Variants in INSC observed in about 807,000 individuals in gnomAD.
INSC encodes the protein INSC spindle orientation adaptor protein, also known as protein inscuteable homolog.
INSC carries 67 observed loss-of-function variants against 58.6 expected under a neutral mutation model. The observed-to-expected ratio is 1.14, with a 90% CI of 0.94 to 1.40. The LOEUF (loss-of-function observed/expected upper bound fraction) is 1.40. INSC is among the 40% of genes most tolerant of loss of function. The probability of loss-of-function intolerance (pLI) is 0.00; values close to 1 mark genes in which losing one functional copy is unlikely to be tolerated. For synonymous variants in INSC, 262 were observed against 276.1 expected (o/e 0.95, Z 0.51); for missense variants, 714 against 692.0 (o/e 1.03, Z -0.36).
At chr11:15,234,367 C>A (rs1852040570) in intron 9 of INSC, among the ~76,000 whole-genome samples, 1 of 152,184 alleles carries the variant, frequency 6.6e-6, no homozygotes, top group Non-Finnish European at 1.5e-5. Flanking sequence ...TTTTTCCTTT[C>A]TGTTTAAAAG....
intron 9 of INSC, among the ~76,000 whole-genome samples, chr11:15,233,626 A>G (rs1852007832): frequency 6.6e-6 from 1 of 152,182 alleles, no homozygotes; most frequent in African/African-American, 2.4e-5. Flanking sequence ...TGCCTGTGAC[A>G]CGGCTAATAA....
intron 1 of INSC, among the ~76,000 whole-genome samples, chr11:15,133,547 T>A (rs1848172516): frequency 6.6e-6 from 1 of 151,972 alleles, no homozygotes; most frequent in Admixed American, 6.6e-5. Context: ...ACATAGACGG[T>A]TTATTTTCCA....
chr11:15,176,627 G>A (rs373268345), intron 3 of INSC, among the ~76,000 whole-genome samples: 69 of 152,168 alleles, frequency 4.5e-4, no homozygotes, highest in African/African-American at 1.5e-3. Flanking sequence ...TTAAAGTTAC[G>A]CAGTGAATGG....
intron 2 of INSC, among the ~76,000 whole-genome samples, chr11:15,151,282 G>A (rs1191373557): frequency 1.3e-5 from 2 of 152,210 alleles, no homozygotes; most frequent in African/African-American, 2.4e-5. Flanking sequence ...GTTCCTTATG[G>A]GAATGTAATA....
At chr11:15,200,705 TGCTGGAG>T in intron 6 of INSC, 112 bp from the exon 7 acceptor site, 3 of 1,314,684 alleles carry the variant, frequency 2.3e-6, no homozygotes, top group Non-Finnish European at 3.2e-6. Flanking sequence ...GGGCGGGGGT[TGCTGGAG>T]GCAGGGAGGA....
At chr11:15,208,451 C>G (rs762488519) in intron 7 of INSC, among the ~76,000 whole-genome samples, 16 of 152,222 alleles carry the variant, frequency 1.1e-4, no homozygotes, top group Non-Finnish European at 1.9e-4. Context: ...ATTGAGCCTT[C>G]TCAGAGGGAC....
chr11:15,178,567 T>A (rs1033025768), intron 5 of INSC, 120 bp downstream of exon 5: 14 of 1,230,258 alleles, frequency 1.1e-5, no homozygotes, highest in African/African-American at 1.5e-5. Flanking sequence ...GGGAAACATC[T>A]TACTCAAACC....
At chr11:15,267,300 A>G in the INSC span, among the ~76,000 whole-genome samples, 1 of 151,956 alleles carries the variant, frequency 6.6e-6, no homozygotes, top group African/African-American at 2.4e-5. Flanking sequence ...GTCTTAAGCA[A>G]TTAGGTTATA....
chr11:15,201,098 C>T (rs1264314956), intron 7 of INSC, 149 bp downstream of exon 7: 2 of 986,446 alleles, frequency 2.0e-6, no homozygotes, highest in East Asian at 2.6e-5. Context: ...GTGGCTGGGA[C>T]CTGGACTATG....
chr11:15,254,891 A>C, the INSC span, among the ~76,000 whole-genome samples: 387 of 152,326 alleles, frequency 2.5e-3, 4 homozygotes, highest in African/African-American at 8.4e-3. Flanking sequence ...AATAAATGGA[A>C]AAGCTGGGAC....
rs34968510 is a variant in INSC, at chr11:15,186,248, C to CTT, written c.580-4443_580-4442dup. Among the ~76,000 whole-genome samples, 120 of 148,900 alleles carry CTT rather than the reference C, an allele frequency of 8.1e-4. 1 individual carries two copies. The South Asian group carries it at 0.011, about 14-fold the overall frequency. On this transcript the variant is annotated intron_variant, in intron 5 of 12. Transcript: ENST00000379556. Reference sequence around the variant, plus strand: ...TTTTTAATAGGATTTCTTTCTGCTACTTTTTTTTTTTCCAGTAATGAACTC... The same window carrying CTT: ...TTTTTAATAGGATTTCTTTCTGCTACTTTTTTTTTTTTTCCAGTAATGAACTC...
At chr11:15,215,843 A>T (rs757546659) in intron 7 of INSC, among the ~76,000 whole-genome samples, 3 of 152,184 alleles carry the variant, frequency 2.0e-5, no homozygotes, top group Admixed American at 1.3e-4. Context: ...AGGGAGGTGC[A>T]TGCATGTTCA....
chr11:15,122,566 G>A (rs139748317), intron 1 of INSC, among the ~76,000 whole-genome samples: 167 of 152,258 alleles, frequency 1.1e-3, no homozygotes, highest in Middle Eastern at 6.8e-3. Context: ...TTTAGATTTC[G>A]TTGAATGACT....
chr11:15,112,980 C>G (rs1218803252), upstream of INSC, among the ~76,000 whole-genome samples: 1 of 152,154 alleles, frequency 6.6e-6, no homozygotes, highest in Non-Finnish European at 1.5e-5. Context: ...GGACTCATCA[C>G]TAGAAAGTAG....
chr11:15,194,261 A>T (rs1850289905), intron 6 of INSC, among the ~76,000 whole-genome samples: 1 of 152,098 alleles, frequency 6.6e-6, no homozygotes, highest in South Asian at 2.1e-4. Context: ...AGAACCAGGG[A>T]TCTAATTGGT....
At chr11:15,171,291 A>G (rs1253893258) in intron 2 of INSC, among the ~76,000 whole-genome samples, 2 of 152,036 alleles carry the variant, frequency 1.3e-5, no homozygotes, top group Non-Finnish European at 2.9e-5. Context: ...AGGTGCTGTA[A>G]TTTGGCTGTT....
intron 6 of INSC, among the ~76,000 whole-genome samples, chr11:15,196,668 G>A (rs918873443): frequency 5.9e-5 from 9 of 152,130 alleles, no homozygotes; most frequent in Non-Finnish European, 1.3e-4. Context: ...TGATGATCAT[G>A]GTTGTGATGA....
intron 1 of INSC, among the ~76,000 whole-genome samples, chr11:15,132,842 C>T (rs1467374008): frequency 2.0e-5 from 3 of 152,076 alleles, no homozygotes; most frequent in African/African-American, 7.2e-5. Flanking sequence ...ATATATTTTC[C>T]TGTTGTCTGC....
chr11:15,205,254 T>C (rs886361591), intron 7 of INSC, among the ~76,000 whole-genome samples: 4 of 152,190 alleles, frequency 2.6e-5, no homozygotes, highest in African/African-American at 9.6e-5. Flanking sequence ...TACTCACTCA[T>C]TTGTTCTCTC....
Sources: gnomAD v4.1 joint callset for allele counts (sites outside exome capture counted in the v4.1 genomes callset) on GRCh38, gnomAD v4.1.1 for gene constraint, MANE v1.5 for transcripts, NCBI Gene and HGNC (gene_info 2026-07-23, HGNC 2026-07-21) for gene names.